Variants in COL5A2 observed in about 807,000 individuals in gnomAD.
COL5A2 encodes the protein collagen alpha-2(V) chain.
In COL5A2, 23 loss-of-function variants were observed where a neutral mutation model predicts 208.2. That is an observed-to-expected ratio of 0.11 (90% CI 0.08 to 0.16). The LOEUF is 0.16. COL5A2 is among the 10% of genes least tolerant of loss of function. COL5A2 has a pLI of 1.00. For synonymous variants in COL5A2, 625 were observed against 628.5 expected (o/e 0.99, Z 0.08); for missense variants, 1,590 against 1,956.4 (o/e 0.81, Z 3.53).
chr2:189,337,327 C>A, the COL5A2 span, among the ~76,000 whole-genome samples: 1 of 150,228 alleles, frequency 6.7e-6, no homozygotes, highest in South Asian at 2.1e-4. Flanking sequence ...GGACTACAGG[C>A]GCCCGCCACT....
chr2:189,312,426 C>T, the COL5A2 span, among the ~76,000 whole-genome samples: 1 of 152,142 alleles, frequency 6.6e-6, no homozygotes, highest in Admixed American at 6.5e-5. Context: ...GCCCCCAGTG[C>T]CTGCACAGAC....
At chr2:189,255,289 C>T in the COL5A2 span, among the ~76,000 whole-genome samples, 3 of 152,210 alleles carry the variant, frequency 2.0e-5, no homozygotes. Flanking sequence ...AAAATTTGCA[C>T]TCTCTAATTA....
At chr2:189,415,556 A>C in the COL5A2 span, among the ~76,000 whole-genome samples, 1 of 152,218 alleles carries the variant, frequency 6.6e-6, no homozygotes, top group African/African-American at 2.4e-5. Context: ...TGTAATTGTC[A>C]ACTTCACCTT....
chr2:189,170,588 C>T (rs980797937), intron 1 of COL5A2, among the ~76,000 whole-genome samples: 1 of 152,000 alleles, frequency 6.6e-6, no homozygotes, highest in Non-Finnish European at 1.5e-5. Flanking sequence ...GATGTGGGAA[C>T]AGTAAAAAGT....
At chr2:189,071,433 A>G (rs1392932673) in intron 18 of COL5A2, among the ~76,000 whole-genome samples, 6 of 152,182 alleles carry the variant, frequency 3.9e-5, no homozygotes, top group African/African-American at 1.2e-4. Context: ...AATTTATCCC[A>G]AAGTACTGAG....
the COL5A2 span, among the ~76,000 whole-genome samples, chr2:189,269,222 T>G: frequency 8.5e-5 from 13 of 152,210 alleles, no homozygotes; most frequent in Middle Eastern, 3.4e-3. Context: ...ATTCCTCACA[T>G]TTTCTTCTCC....
At chr2:189,241,368 A>T in the COL5A2 span, among the ~76,000 whole-genome samples, 1 of 152,214 alleles carries the variant, frequency 6.6e-6, no homozygotes, top group Non-Finnish European at 1.5e-5. Context: ...CCCAGGATCT[A>T]TAAAAATAAA....
chr2:189,399,885 G>T, the COL5A2 span, among the ~76,000 whole-genome samples: 1 of 152,036 alleles, frequency 6.6e-6, no homozygotes, highest in Non-Finnish European at 1.5e-5. Context: ...TTTTTTTGTA[G>T]AGACAGGGTC....
At chr2:189,330,593 T>A in the COL5A2 span, among the ~76,000 whole-genome samples, 21,511 of 152,226 alleles carry the variant, frequency 0.14, 1,954 homozygotes, top group South Asian at 0.21. Context: ...GACAGAAATC[T>A]CTGTCCGTTG....
chr2:189,288,372 T>C, the COL5A2 span, among the ~76,000 whole-genome samples: 5 of 152,316 alleles, frequency 3.3e-5, no homozygotes, highest in East Asian at 9.7e-4. Context: ...TGTATTTTCT[T>C]AACTATGATT....
intron 1 of COL5A2, among the ~76,000 whole-genome samples, chr2:189,178,241 T>C (rs1688714208): frequency 6.6e-6 from 1 of 152,144 alleles, no homozygotes; most frequent in South Asian, 2.1e-4. Context: ...TCCTGACAGA[T>C]TGTTGGATAT....
intron 1 of COL5A2, among the ~76,000 whole-genome samples, chr2:189,114,580 A>G (rs1251079077): frequency 6.6e-6 from 1 of 151,740 alleles, no homozygotes; most frequent in Non-Finnish European, 1.5e-5. Context: ...TATCCAAATC[A>G]TAAAATTAAC....
chr2:189,043,470 G>T (rs1685601836), intron 47 of COL5A2, among the ~76,000 whole-genome samples: 1 of 151,896 alleles, frequency 6.6e-6, no homozygotes, highest in African/African-American at 2.4e-5. Flanking sequence ...ACTGAAAAAA[G>T]ATATAATAAG....
At chr2:189,387,189 T>C in the COL5A2 span, among the ~76,000 whole-genome samples, 1 of 152,150 alleles carries the variant, frequency 6.6e-6, no homozygotes, top group Admixed American at 6.6e-5. Flanking sequence ...CTACATGCCA[T>C]TATCCTAAGT....
intron 1 of COL5A2, among the ~76,000 whole-genome samples, chr2:189,206,412 T>C (rs1689144673): frequency 6.6e-6 from 1 of 152,220 alleles, no homozygotes; most frequent in Non-Finnish European, 1.5e-5. Flanking sequence ...TATGCTTTCA[T>C]GCTACATGTG....
chr2:189,127,503 G>A (rs946179065), intron 1 of COL5A2, among the ~76,000 whole-genome samples: 4 of 151,928 alleles, frequency 2.6e-5, no homozygotes, highest in Non-Finnish European at 4.4e-5. Context: ...AGAAAACCTA[G>A]GCTTTTTTAT....
the COL5A2 span, among the ~76,000 whole-genome samples, chr2:189,414,350 C>T: frequency 6.6e-6 from 1 of 152,038 alleles, no homozygotes; most frequent in Non-Finnish European, 1.5e-5. Context: ...ATGGTTCCTG[C>T]TCATTATTAC....
At chr2:189,324,589 A>C in the COL5A2 span, among the ~76,000 whole-genome samples, 2 of 87,238 alleles carry the variant, frequency 2.3e-5, no homozygotes, top group Non-Finnish European at 5.4e-5. Context: ...TGGCCATGAG[A>C]GAAATGCAAA....
chr2:189,311,530 G>A, the COL5A2 span: 1 of 1,202,252 alleles, frequency 8.3e-7, no homozygotes, highest in Non-Finnish European at 1.2e-6. Flanking sequence ...GGTGCAGCAG[G>A]ATCCTGTTGA....
Sources: allele counts gnomAD v4.1 joint callset (sites outside exome capture counted in the v4.1 genomes callset), GRCh38; gene constraint gnomAD v4.1.1; transcripts MANE v1.5; gene names NCBI Gene and HGNC (gene_info 2026-07-23, HGNC 2026-07-21).